Variants in PDZRN4 observed in about 807,000 individuals in gnomAD.
The protein encoded by PDZRN4 is PDZ domain-containing RING finger protein 4.
In PDZRN4, 70 loss-of-function variants were observed where a neutral mutation model predicts 99.0. The observed-to-expected ratio is 0.71, with a 90% CI of 0.58 to 0.86. The LOEUF (loss-of-function observed/expected upper bound fraction) is 0.86. PDZRN4 is among the 40% of genes least tolerant of loss of function. The pLI is 0.00. For synonymous variants in PDZRN4, 551 were observed against 501.6 expected (o/e 1.10, Z -1.32); for missense variants, 1,474 against 1,331.2 (o/e 1.11, Z -1.67).
chr12:41,478,602 C>A (rs945139146), intron 3 of PDZRN4, among the ~76,000 whole-genome samples: 5 of 152,142 alleles, frequency 3.3e-5, no homozygotes, highest in African/African-American at 1.2e-4. Flanking sequence ...TAAAATCTGA[C>A]AAGACACAAA....
chr12:41,210,774 C>A (rs1237695217), intron 3 of PDZRN4, among the ~76,000 whole-genome samples: 1 of 151,764 alleles, frequency 6.6e-6, no homozygotes, highest in Non-Finnish European at 1.5e-5. Context: ...TTGTGTATTT[C>A]CTGTCATGGA....
At chr12:41,416,503 G>T (rs1481076625) in intron 3 of PDZRN4, among the ~76,000 whole-genome samples, 1 of 151,924 alleles carries the variant, frequency 6.6e-6, no homozygotes, top group Non-Finnish European at 1.5e-5. Context: ...AAAAAAATTA[G>T]CCAGCTGTGG....
chr12:41,520,130 A>G (rs1938469410), intron 5 of PDZRN4, among the ~76,000 whole-genome samples: 1 of 152,154 alleles, frequency 6.6e-6, no homozygotes, highest in African/African-American at 2.4e-5. Flanking sequence ...TGACGGAGGT[A>G]GAAATAAGAA....
chr12:41,385,052 T>C (rs1205762770), intron 3 of PDZRN4, among the ~76,000 whole-genome samples: 1 of 152,198 alleles, frequency 6.6e-6, no homozygotes, highest in Admixed American at 6.5e-5. Context: ...ATGCCAACTA[T>C]GATTTACAAC....
At chr12:41,475,023 G>A (rs376658980) in intron 3 of PDZRN4, among the ~76,000 whole-genome samples, 17 of 152,090 alleles carry the variant, frequency 1.1e-4, no homozygotes, top group Admixed American at 5.9e-4. Flanking sequence ...TGAATTTCCC[G>A]TTGTACATTG....
chr12:41,553,942 T>C (rs1345848724), intron 6 of PDZRN4, among the ~76,000 whole-genome samples: 2 of 152,116 alleles, frequency 1.3e-5, no homozygotes, highest in Admixed American at 6.5e-5. Flanking sequence ...TATCTTATTG[T>C]TTTGATAGAC....
At chr12:41,280,582 A>G (rs1951376961) in intron 3 of PDZRN4, among the ~76,000 whole-genome samples, 1 of 152,178 alleles carries the variant, frequency 6.6e-6, no homozygotes, top group Admixed American at 6.5e-5. Flanking sequence ...CTCACAGTGT[A>G]AACAAAGCTA....
chr12:41,339,359 A>T (rs1046900864), intron 3 of PDZRN4, among the ~76,000 whole-genome samples: 3 of 152,086 alleles, frequency 2.0e-5, no homozygotes, highest in Admixed American at 2.0e-4. Context: ...GTGCTGGGAA[A>T]CTTGGATATC....
intron 5 of PDZRN4, among the ~76,000 whole-genome samples, chr12:41,535,668 C>T (rs1396144645): frequency 6.6e-6 from 1 of 152,072 alleles, no homozygotes; most frequent in African/African-American, 2.4e-5. Flanking sequence ...CTCACAAATG[C>T]GTTAATGCTC....
intron 3 of PDZRN4, among the ~76,000 whole-genome samples, chr12:41,482,083 C>A (rs1937681817): frequency 6.6e-6 from 1 of 152,088 alleles, no homozygotes; most frequent in Admixed American, 6.6e-5. Context: ...ATAACTGTTC[C>A]TAGCTTGGAT....
At chr12:41,376,552 C>CA (rs1952082315) in intron 3 of PDZRN4, among the ~76,000 whole-genome samples, 1 of 152,060 alleles carries the variant, frequency 6.6e-6, no homozygotes, top group South Asian at 2.1e-4. Context: ...AGTTCAAGCC[C>CA]TTTGCCTGTT....
intron 1 of PDZRN4, among the ~76,000 whole-genome samples, chr12:41,189,415 C>T (rs928665596): frequency 5.3e-5 from 8 of 152,098 alleles, no homozygotes; most frequent in Non-Finnish European, 1.2e-4. Context: ...CATCTTTCAC[C>T]CTCCTGCCCA....
chr12:41,491,177 C>T (rs1008655867), intron 3 of PDZRN4, among the ~76,000 whole-genome samples: 2 of 152,056 alleles, frequency 1.3e-5, no homozygotes, highest in Non-Finnish European at 2.9e-5. Context: ...AACTGTCAGT[C>T]GAGTCCAATT....
At chr12:41,519,564 T>G (rs922501483) in intron 5 of PDZRN4, among the ~76,000 whole-genome samples, 1 of 152,060 alleles carries the variant, frequency 6.6e-6, no homozygotes, top group African/African-American at 2.4e-5. Context: ...TTACTATGAA[T>G]GATCGTGTCA....
At chr12:41,190,414 C>T (rs1204150796) in intron 1 of PDZRN4, among the ~76,000 whole-genome samples, 7 of 152,126 alleles carry the variant, frequency 4.6e-5, no homozygotes, top group Non-Finnish European at 1.0e-4. Context: ...CTTTGTATTA[C>T]CAGTCCAGGT....
At chr12:41,246,083 G>T (rs1951132079) in intron 3 of PDZRN4, among the ~76,000 whole-genome samples, 1 of 152,182 alleles carries the variant, frequency 6.6e-6, no homozygotes. Context: ...GCTTTGGGTA[G>T]ACAGGAGACA....
intron 4 of PDZRN4, among the ~76,000 whole-genome samples, chr12:41,508,813 G>C (rs1485739644): frequency 6.6e-6 from 1 of 152,064 alleles, no homozygotes; most frequent in Non-Finnish European, 1.5e-5. Flanking sequence ...CATGAGGATG[G>C]GTCTCTTGCC....
chr12:41,354,827 T>C (rs1951915165), intron 3 of PDZRN4, among the ~76,000 whole-genome samples: 1 of 152,040 alleles, frequency 6.6e-6, no homozygotes, highest in African/African-American at 2.4e-5. Context: ...ATCACATTCC[T>C]GTAGAATAAT....
chr12:41,567,604 CTTT>C (rs34848026), intron 8 of PDZRN4, among the ~76,000 whole-genome samples, 176 bp from the exon 9 acceptor site: 2 of 144,320 alleles, frequency 1.4e-5, no homozygotes, highest in Non-Finnish European at 1.5e-5. Flanking sequence ...CATAAGAGTC[CTTT>C]TTTTTTTTTT....
Sources: gnomAD v4.1 joint callset for allele counts (sites outside exome capture counted in the v4.1 genomes callset) on GRCh38, gnomAD v4.1.1 for gene constraint, MANE v1.5 for transcripts, NCBI Gene and HGNC (gene_info 2026-07-23, HGNC 2026-07-21) for gene names.